UTS2: variants seen among roughly 807,000 people sequenced by gnomAD.
UTS2 encodes the protein urotensin-2.
In UTS2, 10 loss-of-function variants were observed where a neutral mutation model predicts 12.6. The ratio of observed to expected loss-of-function variants is 0.80; its 90% CI spans 0.49 to 1.35. UTS2 has a LOEUF of 1.35. Among genes scored for constraint, UTS2 ranks in the 40% most tolerant of loss-of-function variants. The probability of loss-of-function intolerance (pLI) is 0.00; values close to 1 mark genes in which losing one functional copy is unlikely to be tolerated. For missense variants in UTS2, 142 were observed against 143.2 expected, an observed-to-expected ratio of 0.99 and a Z score of 0.04; for synonymous variants, 52 against 50.0, an observed-to-expected ratio of 1.04 and a Z score of -0.17.
the UTS2 span, among the ~76,000 whole-genome samples, chr1:7,882,361 G>A: frequency 0.078 from 11,837 of 152,092 alleles, 1,338 homozygotes; most frequent in African/African-American, 0.24. Context: ...TAGTGCTGGA[G>A]GAACTGAGTA....
chr1:7,876,257 C>A, the UTS2 span, among the ~76,000 whole-genome samples: 1 of 152,090 alleles, frequency 6.6e-6, no homozygotes, highest in African/African-American at 2.4e-5. Context: ...GTGCTTACAC[C>A]ACGGGGGATA....
the UTS2 span, among the ~76,000 whole-genome samples, chr1:7,876,035 G>A: frequency 1.3e-5 from 2 of 152,282 alleles, no homozygotes; most frequent in South Asian, 4.1e-4. Context: ...CATAGACTGT[G>A]CCTGTGCATA....
Position 7,847,743 on chromosome 1 carries a change from G to A in UTS2, c.*23C>T. 6.5e-7 allele frequency: 1 copy of A among 1,544,092 alleles called. No individual in the cohort carries two copies. The stretch of plus-strand genomic sequence containing the variant: ...ATTCTAAGATGGGTGTTTCTGAGCT[G>A]ACTAACAGATGCTTATTTCACTTCA... On this transcript the variant is annotated 3_prime_UTR_variant, in exon 4 of 4. Coordinates refer to ENST00000361696, the MANE Select transcript of UTS2 (RefSeq NM_006786.4).
chr1:7,849,308 G>A (rs112820229), intron 3 of UTS2, among the ~76,000 whole-genome samples: 100 of 152,050 alleles, frequency 6.6e-4, no homozygotes, highest in African/African-American at 2.3e-3. Context: ...TCTGCCTCCC[G>A]GGTTCAAGCG....
the UTS2 span, among the ~76,000 whole-genome samples, chr1:7,865,496 G>C: frequency 8.3e-6 from 1 of 120,846 alleles, no homozygotes; most frequent in African/African-American, 2.7e-5. Flanking sequence ...CTGTCGGTCC[G>C]ATACCATCTT....
the UTS2 span, among the ~76,000 whole-genome samples, chr1:7,867,153 A>G: frequency 6.6e-6 from 1 of 152,304 alleles, no homozygotes; most frequent in Non-Finnish European, 1.5e-5. Context: ...TACAGGTGTG[A>G]GCCACCACAC....
chr1:7,892,041 C>G, the UTS2 span, among the ~76,000 whole-genome samples: 2 of 152,308 alleles, frequency 1.3e-5, no homozygotes, highest in East Asian at 1.9e-4. Context: ...AGATTCAGGG[C>G]TGGGAGGACC....
the UTS2 span, among the ~76,000 whole-genome samples, chr1:7,869,589 T>G: frequency 2.0e-5 from 3 of 152,346 alleles, no homozygotes; most frequent in African/African-American, 7.2e-5. Flanking sequence ...AGGCATCATT[T>G]TTCTTGCAGA....
chr1:7,871,593 A>G, the UTS2 span, among the ~76,000 whole-genome samples: 1 of 152,008 alleles, frequency 6.6e-6, no homozygotes, highest in Non-Finnish European at 1.5e-5. Flanking sequence ...TTTTAAATTG[A>G]AGGTCTGTGG....
the UTS2 span, among the ~76,000 whole-genome samples, chr1:7,905,408 G>A: frequency 1.5e-5 from 1 of 67,300 alleles, no homozygotes; most frequent in South Asian, 7.0e-4. Context: ...GCCTCCCAAA[G>A]TGCTGGGATT....
the UTS2 span, among the ~76,000 whole-genome samples, chr1:7,860,781 A>G: frequency 1.3e-5 from 2 of 151,862 alleles, no homozygotes; most frequent in Non-Finnish European, 2.9e-5. Context: ...GGTGGCTTAC[A>G]CCTGTAATCC....
the UTS2 span, among the ~76,000 whole-genome samples, chr1:7,864,790 C>T: frequency 7.2e-3 from 1,096 of 152,290 alleles, 17 homozygotes; most frequent in African/African-American, 0.025. Context: ...TTAATAAATC[C>T]GTGTGCTTCT....
At chr1:7,850,727 G>C in intron 2 of UTS2, 85 bp downstream of exon 2, 1 of 1,352,164 alleles carries the variant, frequency 7.4e-7, no homozygotes, top group Admixed American at 1.7e-5. Flanking sequence ...TTCCAAAATA[G>C]AGCTTTACCT....
chr1:7,895,444 C>T, the UTS2 span, among the ~76,000 whole-genome samples: 15,826 of 152,048 alleles, frequency 0.1, 1,964 homozygotes, highest in East Asian at 0.56. Flanking sequence ...CCCCTTAATC[C>T]TATTCCCTTT....
the UTS2 span, among the ~76,000 whole-genome samples, chr1:7,895,369 C>CA: frequency 0.057 from 8,541 of 150,154 alleles, 1,225 homozygotes; most frequent in East Asian, 0.55. Flanking sequence ...GACTCCATCC[C>CA]AAAAAAATAA....
At chr1:7,911,900 C>CAAAAAAAAAAA in the UTS2 span, among the ~76,000 whole-genome samples, 1 of 133,652 alleles carries the variant, frequency 7.5e-6, no homozygotes, top group Non-Finnish European at 1.6e-5. Context: ...GACTCTGTCT[C>CAAAAAAAAAAA]AAAAAAAAAA....
chr1:7,905,324 T>C, the UTS2 span, among the ~76,000 whole-genome samples: 7 of 151,836 alleles, frequency 4.6e-5, no homozygotes, highest in African/African-American at 1.2e-4. Context: ...TTTGTATTTT[T>C]AGTAGACACG....
chr1:7,904,903 C>CAAAAA, the UTS2 span, among the ~76,000 whole-genome samples: 32 of 58,196 alleles, frequency 5.5e-4, no homozygotes, highest in African/African-American at 1.7e-3. Flanking sequence ...GACTCTGTCT[C>CAAAAA]AAAAAAAAAA....
chr1:7,878,378 AAAAG>A, the UTS2 span, among the ~76,000 whole-genome samples: 1 of 152,344 alleles, frequency 6.6e-6, no homozygotes, highest in South Asian at 2.1e-4. Flanking sequence ...ACAAATGAGA[AAAAG>A]AAAGTACTCA....
Sources: allele counts gnomAD v4.1 joint callset (sites outside exome capture counted in the v4.1 genomes callset), GRCh38; gene constraint gnomAD v4.1.1; transcripts MANE v1.5; gene names NCBI Gene and HGNC (gene_info 2026-07-23, HGNC 2026-07-21).